Variants in FHIT observed in about 807,000 individuals in gnomAD.
FHIT encodes fragile histidine triad diadenosine triphosphatase, also known as bis(5'-adenosyl)-triphosphatase.
FHIT carries 19 observed loss-of-function variants against 17.9 expected under a neutral mutation model. That is an observed-to-expected ratio of 1.06 (90% confidence interval 0.74 to 1.56). The LOEUF is 1.56. Ranked by LOEUF, FHIT falls within the 40% of genes most tolerant of loss-of-function variation. FHIT has a pLI of 0.00. For missense variants in FHIT, 248 were observed against 189.2 expected, an observed-to-expected ratio of 1.31 and a Z score of -1.82; for synonymous variants, 81 against 69.7, an observed-to-expected ratio of 1.16 and a Z score of -0.81.
chr3:61,089,478 C>T (rs1203440060), intron 2 of FHIT, among the ~76,000 whole-genome samples: 2 of 152,116 alleles, frequency 1.3e-5, no homozygotes, highest in African/African-American at 2.4e-5. Flanking sequence ...TAAATGGAAT[C>T]TTCTAATAGG....
intron 3 of FHIT, among the ~76,000 whole-genome samples, chr3:61,036,176 G>C (rs778842468): frequency 6.6e-6 from 1 of 152,134 alleles, no homozygotes; most frequent in South Asian, 2.1e-4. Flanking sequence ...ATAGTAGCAG[G>C]CACTTCACAT....
At chr3:59,990,616 C>G (rs1575832906) in intron 7 of FHIT, among the ~76,000 whole-genome samples, 1 of 152,078 alleles carries the variant, frequency 6.6e-6, no homozygotes, top group Non-Finnish European at 1.5e-5. Context: ...CATGATAACT[C>G]TTGGCTAGTA....
intron 5 of FHIT, among the ~76,000 whole-genome samples, chr3:60,046,142 G>T (rs1455176533): frequency 6.6e-6 from 1 of 152,176 alleles, no homozygotes; most frequent in South Asian, 2.1e-4. Context: ...TAAAACGAAA[G>T]CAAGTACTTA....
At chr3:59,756,420 G>T (rs1701222137) in intron 8 of FHIT, among the ~76,000 whole-genome samples, 1 of 152,118 alleles carries the variant, frequency 6.6e-6, no homozygotes, top group Non-Finnish European at 1.5e-5. Flanking sequence ...AGGTCCTATG[G>T]TAAAAGAATG....
At chr3:60,928,942 T>C (rs868950794) in intron 3 of FHIT, among the ~76,000 whole-genome samples, 1 of 152,262 alleles carries the variant, frequency 6.6e-6, no homozygotes, top group South Asian at 2.1e-4. Flanking sequence ...ATATCCCTGA[T>C]GAACATCGAT....
intron 3 of FHIT, among the ~76,000 whole-genome samples, chr3:60,941,553 GT>G (rs1708408144): frequency 6.6e-6 from 1 of 152,030 alleles, no homozygotes; most frequent in Non-Finnish European, 1.5e-5. Context: ...AATGATATTG[GT>G]TTCTTTCTTT....
chr3:60,849,227 C>T (rs1703044464), intron 3 of FHIT, among the ~76,000 whole-genome samples: 1 of 151,678 alleles, frequency 6.6e-6, no homozygotes, highest in South Asian at 2.1e-4. Context: ...GAGGGAGAGA[C>T]AGAGAGAATG....
chr3:60,500,771 T>TAAAAAAAAAAAAAAAAAAAAAAAAAA (rs71092606), intron 5 of FHIT, among the ~76,000 whole-genome samples: 1 of 64,860 alleles, frequency 1.5e-5, no homozygotes, highest in African/African-American at 6.1e-5. Flanking sequence ...AGCATCCATC[T>TAAAAAAAAAAAAAAAAAAAAAAAAAA]AAAAAAAAAA....
intron 4 of FHIT, among the ~76,000 whole-genome samples, chr3:60,593,563 A>G (rs2038162053): frequency 6.6e-6 from 1 of 152,258 alleles, no homozygotes; most frequent in South Asian, 2.1e-4. Context: ...AATGCAAATA[A>G]TAACTAGCTT....
At chr3:60,593,523 T>G (rs987334146) in intron 4 of FHIT, among the ~76,000 whole-genome samples, 1 of 152,180 alleles carries the variant, frequency 6.6e-6, no homozygotes, top group Admixed American at 6.5e-5. Flanking sequence ...TTTAGCTTTC[T>G]ACATTGGCAA....
intron 7 of FHIT, among the ~76,000 whole-genome samples, chr3:59,939,235 T>C (rs1257315405): frequency 6.6e-6 from 1 of 152,174 alleles, no homozygotes; most frequent in African/African-American, 2.4e-5. Context: ...GCCCTTGATT[T>C]ATGCTGGCCA....
intron 4 of FHIT, chr3:60,732,321 T>C (rs2042046870): frequency 3.2e-6 from 3 of 941,374 alleles, no homozygotes; most frequent in African/African-American, 1.6e-5. Context: ...ACCATTTGTG[T>C]TGGGTCCAGC....
chr3:59,789,252 T>C (rs1205338636), intron 8 of FHIT, among the ~76,000 whole-genome samples: 1 of 152,210 alleles, frequency 6.6e-6, no homozygotes, highest in Non-Finnish European at 1.5e-5. Context: ...AAATATTGAC[T>C]ATCTATGAAG....
chr3:60,816,565 T>G lies in FHIT; in HGVS notation c.-18+5354A>C, dbSNP rs977868873. On this transcript the variant is annotated intron_variant, in intron 4 of 9. Coordinates refer to ENST00000492590, the MANE Select transcript of FHIT (RefSeq NM_002012.4). ...TGTATTTGCTCATGTTGGACCAAAT[T>G]TGCATGCCAGAATGAAGCCTACTTG... Among the ~76,000 whole-genome samples the G allele has an allele frequency of 2.6e-5, 4 of 152,064 alleles. No homozygotes were observed. The South Asian group carries it at 6.2e-4, about 24-fold the overall frequency.
intron 5 of FHIT, among the ~76,000 whole-genome samples, chr3:60,309,839 C>T (rs1212166349): frequency 4.6e-5 from 7 of 152,030 alleles, no homozygotes; most frequent in Non-Finnish European, 1.0e-4. Context: ...CAGCTCAAGT[C>T]GCTCCCACAG....
rs550877675 is a variant in FHIT, at chr3:60,878,188, T to G, written c.-110-56177A>C. Among the ~76,000 whole-genome samples, 34 of 152,112 alleles carry G rather than the reference T, an allele frequency of 2.2e-4. 1 individual carries two copies. The highest frequency in any genetic ancestry group is 8.2e-4 in the African/African-American group (34 of 41,500). ...TGAATCAAAGCTGGTAGGGGCTGCC[T>G]AACAGTCATAGATTCTGGCTCTGTG... On this transcript the variant is annotated intron_variant, in intron 3 of 9. Coordinates refer to ENST00000492590, the MANE Select transcript of FHIT (RefSeq NM_002012.4).
intron 5 of FHIT, among the ~76,000 whole-genome samples, chr3:60,200,850 T>A (rs1326332869): frequency 6.6e-6 from 1 of 152,142 alleles, no homozygotes; most frequent in Non-Finnish European, 1.5e-5. Context: ...AGGCTACTGA[T>A]TCAGTTTTAT....
intron 1 of FHIT, among the ~76,000 whole-genome samples, chr3:61,228,207 G>A (rs973460109): frequency 1.3e-5 from 2 of 151,786 alleles, no homozygotes; most frequent in African/African-American, 4.8e-5. Flanking sequence ...GTGCAAGAAG[G>A]GTTTTCTGAC....
At chr3:59,947,333 G>C (rs1244893439) in intron 7 of FHIT, among the ~76,000 whole-genome samples, 1 of 151,886 alleles carries the variant, frequency 6.6e-6, no homozygotes, top group African/African-American at 2.4e-5. Context: ...GGAGTTTTTT[G>C]GTATTTCTGG....
Sources: allele counts gnomAD v4.1 joint callset (sites outside exome capture counted in the v4.1 genomes callset), GRCh38; gene constraint gnomAD v4.1.1; transcripts MANE v1.5; gene names NCBI Gene and HGNC (gene_info 2026-07-23, HGNC 2026-07-21).